Variants in UNC80 observed in about 807,000 individuals in gnomAD.
UNC80 encodes protein unc-80 homolog.
A neutral mutation model predicts 384.6 loss-of-function variants in UNC80; 164 were observed. The observed-to-expected ratio is 0.43, with a 90% CI of 0.38 to 0.49. The LOEUF is 0.49. Among genes scored for constraint, UNC80 ranks in the 20% least tolerant of loss-of-function variants. UNC80 has a pLI of 0.00. For missense variants in UNC80, 3,330 were observed against 4,143.0 expected, an observed-to-expected ratio of 0.80 and a Z score of 5.39; for synonymous variants, 1,486 against 1,527.8, an observed-to-expected ratio of 0.97 and a Z score of 0.64.
At chr2:209,925,961 C>G (rs750011790) in intron 35 of UNC80, among the ~76,000 whole-genome samples, 5 of 152,202 alleles carry the variant, frequency 3.3e-5, no homozygotes, top group Admixed American at 6.5e-5. Context: ...AGAAAAGTGA[C>G]ATGTATATTT....
At chr2:209,885,383 G>A (rs2085693795) in intron 25 of UNC80, among the ~76,000 whole-genome samples, 1 of 152,186 alleles carries the variant, frequency 6.6e-6, no homozygotes, top group African/African-American at 2.4e-5. Flanking sequence ...AACCTTCTTG[G>A]AAGAGGGCAC....
At chr2:209,828,901 T>C (rs1478679520) in intron 14 of UNC80, among the ~76,000 whole-genome samples, 3 of 152,230 alleles carry the variant, frequency 2.0e-5, no homozygotes, top group Non-Finnish European at 2.9e-5. Context: ...CTATCACTTA[T>C]CTAAATTTCA....
At chr2:209,855,886 CTATGTT>C (rs1269571161) in intron 22 of UNC80, among the ~76,000 whole-genome samples, 1 of 152,050 alleles carries the variant, frequency 6.6e-6, no homozygotes, top group Non-Finnish European at 1.5e-5. Flanking sequence ...TATGTCCACT[CTATGTT>C]AGGTGAACAT....
At chr2:209,849,936 G>C (rs961195435) in intron 22 of UNC80, among the ~76,000 whole-genome samples, 3 of 151,958 alleles carry the variant, frequency 2.0e-5, no homozygotes, top group Admixed American at 6.6e-5. Flanking sequence ...CTTCCTCCTC[G>C]GGCTAGTGCG....
rs1428811515 is a variant in UNC80 at position 209,839,987 on chromosome 2, G to A, written c.3251-555G>A. ...GAACTGAAACAAGGGGACAAGTGGCGGTATGACTATAGTAGAATGATAGGG... is the reference window on the plus strand; with the variant it reads ...GAACTGAAACAAGGGGACAAGTGGCAGTATGACTATAGTAGAATGATAGGG... On this transcript the variant is annotated intron_variant, in intron 19 of 64. Transcript: ENST00000673920. This position sits in a 1 kb window ranked among gnomAD's most constrained non-coding sequence, Gnocchi z 4.1. Among the ~76,000 whole-genome samples, 6 of 152,100 alleles carry A rather than the reference G, an allele frequency of 3.9e-5. No homozygotes were observed. Among genetic ancestry groups the A allele is most frequent in the Non-Finnish European group, 5.9e-5 (4 of 68,022 alleles).
Position 209,976,338 on chromosome 2 carries a change from G to A in UNC80, c.8772+35G>A, listed in dbSNP as rs535397135. On this transcript the variant is annotated intron_variant, in intron 57 of 64. Transcript: ENST00000673920. This position sits in a 1 kb window ranked among gnomAD's most constrained non-coding sequence, Gnocchi z 4.3. ...GTGCTTCTCCTCCTGAAAGTGGCAA[G>A]CTCAAATGAATGTGTGGCTCTCTAC... 1.3e-5 allele frequency: 20 copies of A among 1,551,380 alleles called. 1 individual carries two copies. Among genetic ancestry groups the A allele is most frequent in the Non-Finnish European group, 1.7e-5 (20 of 1,146,922 alleles).
intron 29 of UNC80, among the ~76,000 whole-genome samples, chr2:209,911,885 C>T (rs555451025): frequency 1.3e-5 from 2 of 152,264 alleles, no homozygotes; most frequent in South Asian, 4.1e-4. Flanking sequence ...TTGTCTTATT[C>T]GTCCTTATGT....
intron 18 of UNC80, among the ~76,000 whole-genome samples, chr2:209,838,073 G>A (rs1016835697): frequency 6.6e-6 from 1 of 151,924 alleles, no homozygotes; most frequent in Non-Finnish European, 1.5e-5. Flanking sequence ...GCCCGGCCTT[G>A]TACCTACATC....
chr2:209,891,081 A>G (rs911629254), intron 26 of UNC80, among the ~76,000 whole-genome samples: 9 of 152,170 alleles, frequency 5.9e-5, no homozygotes, highest in Admixed American at 3.9e-4. Flanking sequence ...CAATGACTCA[A>G]TAAATTTTGG....
intron 58 of UNC80, among the ~76,000 whole-genome samples, chr2:209,977,872 A>G (rs982135870): frequency 2.0e-5 from 3 of 152,192 alleles, no homozygotes; most frequent in Non-Finnish European, 4.4e-5. Flanking sequence ...GTAATATGTG[A>G]TAGGTTTTCT....
intron 52 of UNC80, 158 bp from the exon 53 acceptor site, chr2:209,969,610 C>T: frequency 1.0e-6 from 1 of 970,602 alleles, no homozygotes; most frequent in East Asian, 2.8e-5. Flanking sequence ...TATCTTCTTC[C>T]CCTCCCAGTA....
rs766431461 is a variant in UNC80 at position 209,819,188 on chromosome 2, G to A, written c.1889G>A (p.Ser630Asn). The change falls in exon 12 of 65, where the codon AGC becomes AAC. Residue 630 changes from serine to asparagine, a missense_variant. Ser to Asn is a conservative substitution (Grantham distance 46). Around this residue, in one of 8 missense-constraint regions of UNC80, gnomAD observed 937 missense variants for 1,026.8 expected, o/e 0.91. Coordinates refer to ENST00000673920, the MANE Select transcript of UNC80 (RefSeq NM_001371986.1). ...CTCACAGACTCCTGCATAAACTACA[G>A]CTACCTAGAGGACACAGAACATATT... The part of the protein sequence containing the change: ...RSLTDSCINY[S>N]YLEDTEHIDG... The A allele has an allele frequency of 3.9e-5, 61 of 1,551,930 alleles. No individual in the cohort carries two copies. Among genetic ancestry groups the A allele is most frequent in the Non-Finnish European group, 5.0e-5 (57 of 1,147,076 alleles).
intron 58 of UNC80, among the ~76,000 whole-genome samples, chr2:209,977,431 G>A (rs894751897): frequency 6.6e-6 from 1 of 152,048 alleles, no homozygotes; most frequent in African/African-American, 2.4e-5. Flanking sequence ...AAAGAGAAGG[G>A]GGACATTCAT....
At chr2:209,946,341 G>C (rs1169876568) in intron 47 of UNC80, among the ~76,000 whole-genome samples, 1 of 150,306 alleles carries the variant, frequency 6.7e-6, no homozygotes, top group Non-Finnish European at 1.5e-5. Flanking sequence ...TTGCACTCTG[G>C]CCTAGGCAAC....
In UNC80 at chr2:209,976,777, C is replaced by G. The variant is rs1233287874; in HGVS notation, c.8773-136C>G. ...AAAACGATGTAATTATTAAGCACTT[C>G]CTGTGTAAAGTGCCGTTCTAGGAAC... is the stretch of plus-strand genomic sequence containing the variant. On this transcript the variant is annotated intron_variant, in intron 57 of 64. Coordinates refer to ENST00000673920, the MANE Select transcript of UNC80 (RefSeq NM_001371986.1). This position sits in a 1 kb window ranked among gnomAD's most constrained non-coding sequence, Gnocchi z 4.3. 5 of 978,330 alleles carry G rather than the reference C, an allele frequency of 5.1e-6. No homozygotes were observed. Among genetic ancestry groups the G allele is most frequent in the African/African-American group, 1.6e-5 (1 of 61,280 alleles). 60.6% of individuals were successfully genotyped at this position (978,330 alleles called of 1,614,324 possible). A position where few individuals can be genotyped will look rare whatever the true frequency, so the allele number is the denominator to read the frequency against.
At chr2:209,931,398 C>T (rs1431638436) in intron 38 of UNC80, among the ~76,000 whole-genome samples, 2 of 151,644 alleles carry the variant, frequency 1.3e-5, no homozygotes, top group African/African-American at 4.8e-5. Flanking sequence ...CACACACACA[C>T]ACACACACAC....
intron 29 of UNC80, among the ~76,000 whole-genome samples, chr2:209,910,045 A>G (rs576311594): frequency 2.6e-5 from 4 of 151,910 alleles, no homozygotes; most frequent in Non-Finnish European, 4.4e-5. Context: ...GAACTGCAAG[A>G]TACACATAGT....
At chr2:209,931,169 A>G in intron 38 of UNC80, 115 bp downstream of exon 38, 1 of 722,536 alleles carries the variant, frequency 1.4e-6, no homozygotes, top group Non-Finnish European at 2.2e-6. Context: ...ATCCTGGTCA[A>G]CTAAATTCTG....
intron 35 of UNC80, 25 bp from the exon 36 acceptor site, chr2:209,926,818 A>G (rs1411921085): frequency 1.3e-6 from 2 of 1,551,458 alleles, no homozygotes; most frequent in Admixed American, 3.9e-5. Context: ...TGAGAAAAGC[A>G]CCCTGATTTT....
Sources: gnomAD v4.1 joint callset for allele counts (sites outside exome capture counted in the v4.1 genomes callset) on GRCh38, gnomAD v4.1.1 for gene constraint, gnomAD v4.1.1 regional missense constraint, Gnocchi (gnomAD v3.1) non-coding constraint, MANE v1.5 for transcripts, NCBI Gene and HGNC (gene_info 2026-07-23, HGNC 2026-07-21) for gene names.